The following KCNN2 variants were observed in gnomAD, a reference collection of about 807,000 sequenced individuals.
The protein encoded by KCNN2 is potassium calcium-activated channel subfamily N member 2, also known as small conductance calcium-activated potassium channel protein 2.
In KCNN2, 24 loss-of-function variants were observed where a neutral mutation model predicts 55.5. The observed-to-expected ratio is 0.43, with a 90% confidence interval of 0.31 to 0.61. KCNN2 has a LOEUF of 0.61. Among genes scored for constraint, KCNN2 ranks in the 20% least tolerant of loss-of-function variants. The pLI, the probability that KCNN2 is intolerant of heterozygous loss-of-function variation, is 0.08. For synonymous variants in KCNN2, 431 were observed against 336.1 expected (o/e 1.28, Z -3.09); for missense variants, 754 against 853.6 (o/e 0.88, Z 1.45).
At chr5:114,333,809 C>T (rs1756871339) in intron 2 of KCNN2, among the ~76,000 whole-genome samples, 1 of 152,076 alleles carries the variant, frequency 6.6e-6, no homozygotes, top group Non-Finnish European at 1.5e-5. Flanking sequence ...TTTTAATAGA[C>T]AAAAGTTCCC....
At chr5:114,234,866 C>G (rs762627872) in intron 2 of KCNN2, among the ~76,000 whole-genome samples, 1 of 152,120 alleles carries the variant, frequency 6.6e-6, no homozygotes, top group Non-Finnish European at 1.5e-5. Context: ...TTTGAAGATA[C>G]TCTTCATTTG....
At position 114,306,686 on chromosome 5, in the gene KCNN2, A is replaced by C. The variant is rs547147751; in HGVS notation, c.-184-54259A>C. Among the ~76,000 whole-genome samples the C allele has an allele frequency of 6.9e-3, 41 of 5,926 alleles. No homozygotes were observed. The South Asian group carries it at 0.37, about 54-fold the overall frequency. 3.9% of individuals were successfully genotyped at this position (5,926 alleles called of 152,430 possible). On this transcript the variant is annotated intron_variant, in intron 2 of 10. Coordinates refer to the KCNN2 transcript ENST00000512097. The stretch of plus-strand genomic sequence containing the variant: ...CCCACCTTTCATCAGTTCACACTTA[A>C]ATTTTTTTTTTTTCTTTTTTTTTTT...
chr5:114,448,587 C>G (rs1421645514), intron 3 of KCNN2, among the ~76,000 whole-genome samples: 1 of 152,190 alleles, frequency 6.6e-6, no homozygotes, highest in African/African-American at 2.4e-5. Context: ...TGTGCTCATT[C>G]TCCTCAGCCT....
chr5:114,421,338 T>A (rs1325887616), intron 3 of KCNN2, among the ~76,000 whole-genome samples: 1 of 152,140 alleles, frequency 6.6e-6, no homozygotes, highest in Non-Finnish European at 1.5e-5. Flanking sequence ...TGGCCCAAGC[T>A]GGAGTGCAGT....
chr5:114,406,535 AT>A (rs774280527), intron 3 of KCNN2, among the ~76,000 whole-genome samples: 450 of 143,024 alleles, frequency 3.1e-3, no homozygotes, highest in East Asian at 4.7e-3. Flanking sequence ...TTCCTGCACA[AT>A]TTTTTTTTTT....
At chr5:114,414,042 T>C (rs337713) in intron 3 of KCNN2, among the ~76,000 whole-genome samples, 34,041 of 152,124 alleles carry the variant, frequency 0.22, 6,332 homozygotes, top group African/African-American at 0.52. Context: ...ATACATTTCT[T>C]AGACATAAAT....
intron 2 of KCNN2, among the ~76,000 whole-genome samples, chr5:114,240,853 G>T (rs2112614553): frequency 6.6e-6 from 1 of 152,042 alleles, no homozygotes; most frequent in Admixed American, 6.6e-5. Flanking sequence ...ATAGATCTTT[G>T]AAAAATTAGT....
chr5:114,161,895 C>T (rs544581716), intron 1 of KCNN2, among the ~76,000 whole-genome samples: 35 of 152,220 alleles, frequency 2.3e-4, no homozygotes, highest in African/African-American at 8.2e-4. Flanking sequence ...TTCTAGTTAG[C>T]CATTCGTCTA....
At position 114,385,525 on chromosome 5, in the gene KCNN2, A is replaced by G. The variant is rs866251284; in HGVS notation, c.1219-18913A>G. On this transcript the variant is annotated intron_variant, in intron 2 of 7. Transcript: ENST00000673685. ...ACAGCATACACACATGCGCGCACACACACACACACACACACACACACACAC... is the reference window on the plus strand; with the variant it reads ...ACAGCATACACACATGCGCGCACACGCACACACACACACACACACACACAC... Among the ~76,000 whole-genome samples, 699 of 146,376 alleles carry G rather than the reference A, an allele frequency of 4.8e-3. 14 individuals carry two copies. The highest frequency in any genetic ancestry group is 3.3e-3 in the African/African-American group (130 of 39,568).
At position 114,330,266 on chromosome 5, in the gene KCNN2, G is replaced by A. The variant is rs150337202; in HGVS notation, c.-184-30679G>A. Among the ~76,000 whole-genome samples, 1,032 of 152,202 alleles carry A rather than the reference G, an allele frequency of 6.8e-3. 7 individuals are homozygous for A. The highest frequency in any genetic ancestry group is 0.01 in the Non-Finnish European group (691 of 68,024). On this transcript the variant is annotated intron_variant, in intron 2 of 10. Coordinates refer to the KCNN2 transcript ENST00000512097. ...CTGAGCTTAGTTCAGGAAGTTCCTG[G>A]GATGAGATCTGTCCTCAGGTACTTC...
chr5:114,433,369 G>T (rs949143850), intron 3 of KCNN2, among the ~76,000 whole-genome samples: 1 of 152,010 alleles, frequency 6.6e-6, no homozygotes, highest in Non-Finnish European at 1.5e-5. Context: ...TGGTGGGGAC[G>T]TGGAGAACCT....
intron 2 of KCNN2, among the ~76,000 whole-genome samples, chr5:114,378,504 T>A (rs902477892): frequency 6.6e-6 from 1 of 152,182 alleles, no homozygotes; most frequent in Non-Finnish European, 1.5e-5. Flanking sequence ...AAGTGCAGAT[T>A]TTTGTAGGTG....
chr5:114,095,974 G>T (rs142528969), intron 1 of KCNN2, among the ~76,000 whole-genome samples: 2 of 152,234 alleles, frequency 1.3e-5, no homozygotes, highest in African/African-American at 2.4e-5. Flanking sequence ...AACAGGCTAT[G>T]TCATCTATCT....
intron 1 of KCNN2, among the ~76,000 whole-genome samples, chr5:114,217,447 A>G (rs868507315): frequency 4.6e-5 from 7 of 152,150 alleles, no homozygotes; most frequent in East Asian, 1.9e-4. Flanking sequence ...AAATCGCCAC[A>G]TAAATGTAGT....
chr5:114,338,292 A>G (rs1334264343), intron 2 of KCNN2, among the ~76,000 whole-genome samples: 1 of 152,228 alleles, frequency 6.6e-6, no homozygotes, highest in Non-Finnish European at 1.5e-5. Flanking sequence ...AGGTGATGAT[A>G]AAGATCTAAG....
intron 3 of KCNN2, among the ~76,000 whole-genome samples, chr5:114,434,207 T>C (rs1344996138): frequency 6.6e-6 from 1 of 151,854 alleles, no homozygotes; most frequent in African/African-American, 2.4e-5. Flanking sequence ...GAGGTTTCTA[T>C]TGAAATATCT....
chr5:114,114,938 C>A (rs151317430), intron 1 of KCNN2, among the ~76,000 whole-genome samples: 1 of 152,146 alleles, frequency 6.6e-6, no homozygotes, highest in Non-Finnish European at 1.5e-5. Context: ...GAGGTGTTTG[C>A]TAAACTATGT....
At chr5:114,302,270 T>C (rs576930045) in intron 2 of KCNN2, among the ~76,000 whole-genome samples, 30 of 152,336 alleles carry the variant, frequency 2.0e-4, no homozygotes, top group African/African-American at 7.2e-4. Context: ...GATAAATTCC[T>C]TGGGGATTGA....
At chr5:114,285,237 T>A (rs1755715720) in intron 2 of KCNN2, among the ~76,000 whole-genome samples, 1 of 126,716 alleles carries the variant, frequency 7.9e-6, no homozygotes, top group Non-Finnish European at 1.5e-5. Flanking sequence ...TGAGCTGAGA[T>A]CATGCCACTG....
Sources: gnomAD v4.1 joint callset for allele counts (sites outside exome capture counted in the v4.1 genomes callset) on GRCh38, gnomAD v4.1.1 for gene constraint, MANE v1.5 for transcripts, NCBI Gene and HGNC (gene_info 2026-07-23, HGNC 2026-07-21) for gene names.